Variants in XKR9 observed in about 807,000 individuals in gnomAD.
XKR9 encodes the protein XK-related protein 9.
A neutral mutation model predicts 32.0 loss-of-function variants in XKR9; 32 were observed. That is an observed-to-expected ratio of 1.00 (90% CI 0.76 to 1.34). XKR9 has a LOEUF of 1.34. Among genes scored for constraint, XKR9 ranks in the 40% most tolerant of loss-of-function variants. The pLI is 0.00. For missense variants in XKR9, 546 were observed against 429.7 expected, an observed-to-expected ratio of 1.27 and a Z score of -2.39; for synonymous variants, 168 against 143.4, an observed-to-expected ratio of 1.17 and a Z score of -1.22.
chr8:70,799,797 T>TCATCTG, the XKR9 span, among the ~76,000 whole-genome samples: 4 of 152,228 alleles, frequency 2.6e-5, no homozygotes, highest in African/African-American at 4.8e-5. Flanking sequence ...TAGGATCATG[T>TCATCTG]CATCTGCAAA....
the XKR9 span, among the ~76,000 whole-genome samples, chr8:70,827,514 T>A: frequency 1.3e-5 from 2 of 152,162 alleles, no homozygotes; most frequent in African/African-American, 4.8e-5. Flanking sequence ...GAAAGCTTTG[T>A]GATGTTGAAA....
At chr8:70,829,492 A>C in the XKR9 span, among the ~76,000 whole-genome samples, 1 of 152,218 alleles carries the variant, frequency 6.6e-6, no homozygotes. Flanking sequence ...CCTGTCTCCC[A>C]GGCTGGAGTG....
intron 3 of XKR9, among the ~76,000 whole-genome samples, chr8:70,699,720 A>T (rs1020605097): frequency 1.3e-5 from 2 of 152,034 alleles, no homozygotes; most frequent in African/African-American, 4.8e-5. Flanking sequence ...CTGTATGTGA[A>T]TGTTGGCCTG....
At chr8:70,951,439 C>T in the XKR9 span, among the ~76,000 whole-genome samples, 2 of 152,246 alleles carry the variant, frequency 1.3e-5, no homozygotes, top group Admixed American at 6.5e-5. Context: ...CCATCCCAGG[C>T]TGGGAGGGCC....
the XKR9 span, among the ~76,000 whole-genome samples, chr8:70,940,751 C>G: frequency 2.0e-5 from 3 of 152,002 alleles, no homozygotes; most frequent in African/African-American, 7.2e-5. Flanking sequence ...AATGATCATA[C>G]ACATAACATC....
the XKR9 span, among the ~76,000 whole-genome samples, chr8:71,029,021 G>C: frequency 6.6e-6 from 1 of 151,996 alleles, no homozygotes; most frequent in East Asian, 1.9e-4. Flanking sequence ...ATATTCCTCT[G>C]GCTCCTTCTG....
chr8:70,745,916 T>C (rs576878373), intron 2 of XKR9, among the ~76,000 whole-genome samples: 1 of 152,328 alleles, frequency 6.6e-6, no homozygotes, highest in African/African-American at 2.4e-5. Flanking sequence ...GATGCCCCAC[T>C]TAATGATTAC....
chr8:70,781,763 T>C (rs1484397413), intron 2 of XKR9, among the ~76,000 whole-genome samples: 1 of 152,178 alleles, frequency 6.6e-6, no homozygotes, highest in Non-Finnish European at 1.5e-5. Context: ...ATTCAGCTCA[T>C]TTATCCAAAG....
chr8:70,799,867 T>G, the XKR9 span, among the ~76,000 whole-genome samples: 1 of 152,204 alleles, frequency 6.6e-6, no homozygotes, highest in African/African-American at 2.4e-5. Context: ...TTCTGTTTCC[T>G]GATTTCTGAG....
chr8:70,750,547 G>A (rs1167972415), intron 2 of XKR9, among the ~76,000 whole-genome samples: 2 of 152,112 alleles, frequency 1.3e-5, no homozygotes, highest in African/African-American at 2.4e-5. Context: ...TTTAAAAATT[G>A]CAGGTAAAAT....
intron 4 of XKR9, among the ~76,000 whole-genome samples, chr8:70,722,379 T>A (rs1806312299): frequency 6.6e-6 from 1 of 152,214 alleles, no homozygotes; most frequent in South Asian, 2.1e-4. Context: ...TTGATGCAGT[T>A]TCTTCATAGT....
chr8:70,823,280 TA>T, the XKR9 span, among the ~76,000 whole-genome samples: 1 of 152,218 alleles, frequency 6.6e-6, no homozygotes, highest in Non-Finnish European at 1.5e-5. Flanking sequence ...CATAACTAAG[TA>T]GTTAATTCCT....
At chr8:70,952,153 TACACAC>T in the XKR9 span, among the ~76,000 whole-genome samples, 44,680 of 147,962 alleles carry the variant, frequency 0.3, 7,487 homozygotes, top group Middle Eastern at 0.42. Context: ...AGAAAACCTT[TACACAC>T]ACACACACAC....
At chr8:70,795,855 G>T in the XKR9 span, among the ~76,000 whole-genome samples, 3 of 151,596 alleles carry the variant, frequency 2.0e-5, no homozygotes, top group Admixed American at 2.0e-4. Flanking sequence ...TTGCAAATTT[G>T]TTTAAGTTCC....
the XKR9 span, among the ~76,000 whole-genome samples, chr8:70,901,237 G>C: frequency 6.6e-6 from 1 of 152,212 alleles, no homozygotes; most frequent in East Asian, 1.9e-4. Flanking sequence ...TCGCCACACT[G>C]TCTTCCACAA....
chr8:70,860,307 C>A, the XKR9 span, among the ~76,000 whole-genome samples: 1 of 152,154 alleles, frequency 6.6e-6, no homozygotes, highest in South Asian at 2.1e-4. Context: ...AGCCAGTGAG[C>A]TAGCTAGCTC....
intron 4 of XKR9, among the ~76,000 whole-genome samples, chr8:70,721,981 C>G (rs1208446929): frequency 6.6e-6 from 1 of 152,138 alleles, no homozygotes. Context: ...CTGGATGCTC[C>G]TGAATTGGGT....
chr8:71,061,702 A>G, the XKR9 span, among the ~76,000 whole-genome samples: 1 of 152,156 alleles, frequency 6.6e-6, no homozygotes. Flanking sequence ...ATCAGCTGAG[A>G]TATAGAGGCT....
intron 2 of XKR9, among the ~76,000 whole-genome samples, chr8:70,780,259 T>A (rs1244537431): frequency 6.6e-6 from 1 of 151,990 alleles, no homozygotes; most frequent in Non-Finnish European, 1.5e-5. Context: ...TAAATTTTTA[T>A]TATTTCTTAC....
Sources: allele counts gnomAD v4.1 joint callset (sites outside exome capture counted in the v4.1 genomes callset), GRCh38; gene constraint gnomAD v4.1.1; transcripts MANE v1.5; gene names NCBI Gene and HGNC (gene_info 2026-07-23, HGNC 2026-07-21).